The following C12orf56 variants were observed in gnomAD, a reference collection of about 807,000 sequenced individuals.
The protein encoded by C12orf56 is uncharacterized protein C12orf56.
A neutral mutation model predicts 69.9 loss-of-function variants in C12orf56; 71 were observed. The ratio of observed to expected loss-of-function variants is 1.02; its 90% CI spans 0.84 to 1.24. The LOEUF (loss-of-function observed/expected upper bound fraction) is 1.24. C12orf56 is among the 50% of genes most tolerant of loss of function. C12orf56 has a pLI of 0.00. For synonymous variants in C12orf56, 276 were observed against 274.1 expected, an observed-to-expected ratio of 1.01 and a Z score of -0.07; for missense variants, 732 against 738.5, an observed-to-expected ratio of 0.99 and a Z score of 0.10.
At chr12:64,380,125 A>AC (rs1565783091) in intron 1 of C12orf56, among the ~76,000 whole-genome samples, 10 of 55,932 alleles carry the variant, frequency 1.8e-4, no homozygotes, top group African/African-American at 4.6e-4. Flanking sequence ...AAAAAAAAAA[A>AC]AAAAAAAAAC....
intron 2 of C12orf56, among the ~76,000 whole-genome samples, chr12:64,346,157 C>T (rs1210000178): frequency 1.3e-5 from 2 of 152,132 alleles, no homozygotes; most frequent in African/African-American, 4.8e-5. Flanking sequence ...GGTATTAACT[C>T]ACATGATCAC....
At chr12:64,292,942 TC>T (rs995571810) in intron 6 of C12orf56, among the ~76,000 whole-genome samples, 3 of 144,534 alleles carry the variant, frequency 2.1e-5, no homozygotes, top group Non-Finnish European at 3.1e-5. Flanking sequence ...CGGGCGCCCC[TC>T]CCCCAGCCTC....
At chr12:64,360,667 TAA>T in intron 1 of C12orf56, among the ~76,000 whole-genome samples, 1 of 152,226 alleles carries the variant, frequency 6.6e-6, no homozygotes, top group East Asian at 1.9e-4. Context: ...GAAAATAAGT[TAA>T]GATTTCTCAT....
chr12:64,274,975 C>T lies in C12orf56; in HGVS notation c.1510G>A (p.Gly504Arg), dbSNP rs1298095661. ...LYEILLVFQQGNLGLGSTKFA... is the reference protein window; with the variant it reads ...LYEILLVFQQRNLGLGSTKFA... ...TTTGTGGATCCCAATCCGAGATTTC[C>T]CTAAAAGACTCAAGGAAATAAACAA... Residue 504 changes from glycine to arginine, a missense_variant and splice_region_variant, in exon 11 of 13, where the codon GGA becomes AGA. By Grantham distance (125) the Gly-to-Arg change is moderately radical. Transcript: ENST00000543942. 1 of 1,606,946 alleles carries T rather than the reference C, an allele frequency of 6.2e-7. No individual in the cohort carries two copies. The highest frequency in any genetic ancestry group is 1.7e-5 in the Admixed American group (1 of 59,962).
At chr12:64,338,301 A>C in intron 2 of C12orf56, 1 of 508,108 alleles carries the variant, frequency 2.0e-6, no homozygotes, top group Non-Finnish European at 3.8e-6. Flanking sequence ...TCCCCATTAT[A>C]TATCTCAACT....
chr12:64,387,671 G>A (rs1056196705), intron 1 of C12orf56, among the ~76,000 whole-genome samples: 1 of 151,844 alleles, frequency 6.6e-6, no homozygotes, highest in Admixed American at 6.6e-5. Flanking sequence ...AACTAGCCAG[G>A]CATGGTGGCA....
intron 1 of C12orf56, among the ~76,000 whole-genome samples, chr12:64,358,424 A>C (rs1480093347): frequency 6.9e-5 from 10 of 145,126 alleles, no homozygotes; most frequent in East Asian, 4.2e-4. Flanking sequence ...TGCCACTGCA[A>C]TCCAGCCTGG....
In C12orf56 at chr12:64,390,410, A is replaced by T. The variant is rs1246547375; in HGVS notation, c.156T>A (p.Tyr52Ter). 1 of 1,613,082 alleles carries T rather than the reference A, an allele frequency of 6.2e-7. No homozygotes were observed. The highest frequency in any genetic ancestry group is 2.2e-5 in the East Asian group (1 of 44,830). The change falls in exon 1 of 13, where the codon TAT becomes TAA. Residue 52 changes from tyrosine to a stop codon, truncating the protein, a stop_gained. Coordinates refer to ENST00000543942, the MANE Select transcript of C12orf56 (RefSeq NM_001170633.2). LOFTEE classifies it high-confidence loss of function. ...AGACGAGCCGGTCGCTTAGCACCACATACTTGAGGATGTGGTTCTCAGAGT... is the reference window on the plus strand; with the variant it reads ...AGACGAGCCGGTCGCTTAGCACCACTTACTTGAGGATGTGGTTCTCAGAGT... ...VSNSENHILK[Y>*]VVLSDRLVYL...
intron 1 of C12orf56, among the ~76,000 whole-genome samples, chr12:64,376,067 A>AT (rs2039635502): frequency 6.1e-5 from 2 of 32,928 alleles, no homozygotes; most frequent in African/African-American, 6.0e-5. Flanking sequence ...GATGAGATGC[A>AT]CCAAAACTGC....
At position 64,275,332 on chromosome 12, in the gene C12orf56, G is replaced by A; in HGVS notation, c.1475C>T (p.Ala492Val). Residue 492 changes from alanine (A) to valine (V), a missense_variant, in exon 10 of 13, where the codon GCA becomes GTA. Coordinates refer to ENST00000543942, the MANE Select transcript of C12orf56 (RefSeq NM_001170633.2). ...LILEYTNTATALLYEILLVFQ... is the reference protein window; with the variant it reads ...LILEYTNTATVLLYEILLVFQ... ...GACCAGAAGTATCTCATATAAAAGT[G>A]CTGTAGCAGTATTTGTATACTCCAG... 6.9e-7 allele frequency: 1 copy of A among 1,441,752 alleles called. No individual in the cohort carries two copies. Among genetic ancestry groups the A allele is most frequent in the South Asian group, 1.5e-5 (1 of 67,734 alleles). The allele number at this position is 1,441,752 out of a possible 1,614,324, so 89.3% of individuals were successfully genotyped here.
chr12:64,284,853 T>G (rs2038178924), intron 7 of C12orf56, 100 bp from the exon 8 acceptor site: 1 of 808,106 alleles, frequency 1.2e-6, no homozygotes, highest in Non-Finnish European at 1.9e-6. Flanking sequence ...CTTCCAGATA[T>G]CCATACAGAA....
chr12:64,383,830 T>A (rs1469967660), intron 1 of C12orf56, among the ~76,000 whole-genome samples: 2 of 152,230 alleles, frequency 1.3e-5, no homozygotes, highest in Admixed American at 6.5e-5. Flanking sequence ...CACATTGAAC[T>A]GATATTTGCC....
At position 64,318,565 on chromosome 12, in the gene C12orf56, G is replaced by A. The variant is rs78679585; in HGVS notation, c.894+10C>T. 34 of 1,511,902 alleles carry A rather than the reference G, an allele frequency of 2.2e-5. No individual in the cohort carries two copies. In the East Asian group the frequency reaches 7.6e-4, roughly 34 times the overall value. The allele number at this position is 1,511,902 out of a possible 1,614,324, so 93.7% of individuals were successfully genotyped here. On this transcript the variant is annotated intron_variant, in intron 4 of 12. Transcript: ENST00000543942. ...AATTCAGGTTAAGGTTAACTTAGGA[G>A]GACACTTACTATAATATAATTGTTC... is the stretch of plus-strand genomic sequence containing the variant.
At chr12:64,310,490 G>A (rs866186933) in intron 5 of C12orf56, among the ~76,000 whole-genome samples, 9 of 152,232 alleles carry the variant, frequency 5.9e-5, no homozygotes, top group South Asian at 2.1e-4. Flanking sequence ...TCCTGAACTC[G>A]TTACGGTTCA....
chr12:64,293,929 A>C (rs1232745101), intron 6 of C12orf56, among the ~76,000 whole-genome samples: 1 of 152,218 alleles, frequency 6.6e-6, no homozygotes. Flanking sequence ...CTAAATCTTG[A>C]TTGAAGTAGT....
intron 1 of C12orf56, among the ~76,000 whole-genome samples, chr12:64,380,214 A>T (rs2039702353): frequency 6.6e-6 from 1 of 151,714 alleles, no homozygotes; most frequent in Non-Finnish European, 1.5e-5. Flanking sequence ...AAGCGTGTAG[A>T]GAGCTAAACA....
intron 11 of C12orf56, among the ~76,000 whole-genome samples, chr12:64,272,374 A>G (rs898615490): frequency 6.6e-6 from 1 of 151,796 alleles, no homozygotes; most frequent in African/African-American, 2.4e-5. Flanking sequence ...TCGTGGTGGC[A>G]GGTGCCTGTA....
chr12:64,281,230 A>G (rs2038121420), intron 8 of C12orf56, among the ~76,000 whole-genome samples: 1 of 151,898 alleles, frequency 6.6e-6, no homozygotes, highest in African/African-American at 2.4e-5. Context: ...CCAAGATCGC[A>G]CCATTGCACT....
chr12:64,274,869 G>C (rs1473255442), intron 11 of C12orf56, 32 bp downstream of exon 11: 1 of 1,513,650 alleles, frequency 6.6e-7, no homozygotes, highest in South Asian at 1.1e-5. Context: ...TTAGGCTTGG[G>C]GGTGATTTCG....
Sources: gnomAD v4.1 joint callset for allele counts (sites outside exome capture counted in the v4.1 genomes callset) on GRCh38, gnomAD v4.1.1 for gene constraint, MANE v1.5 for transcripts, NCBI Gene and HGNC (gene_info 2026-07-23, HGNC 2026-07-21) for gene names.